Variants in CDK14 observed in about 807,000 individuals in gnomAD.
The protein encoded by CDK14 is cyclin dependent kinase 14.
In CDK14, 34 loss-of-function variants were observed where a neutral mutation model predicts 60.7. That is an observed-to-expected ratio of 0.56 (90% CI 0.43 to 0.75). The LOEUF (loss-of-function observed/expected upper bound fraction) is 0.75. Among genes scored for constraint, CDK14 ranks in the 30% least tolerant of loss-of-function variants. The probability of loss-of-function intolerance (pLI) is 0.00; values close to 1 mark genes in which losing one functional copy is unlikely to be tolerated. For synonymous variants in CDK14, 197 were observed against 203.7 expected (o/e 0.97, Z 0.28); for missense variants, 482 against 564.1 (o/e 0.85, Z 1.47).
chr7:91,116,593 G>T (rs887285858), intron 13 of CDK14, among the ~76,000 whole-genome samples: 2 of 152,084 alleles, frequency 1.3e-5, no homozygotes, highest in African/African-American at 4.8e-5. Flanking sequence ...AATAAAACAG[G>T]TGCACCCATT....
At chr7:90,764,338 T>C (rs1263536305) in intron 4 of CDK14, among the ~76,000 whole-genome samples, 1 of 152,244 alleles carries the variant, frequency 6.6e-6, no homozygotes, top group Non-Finnish European at 1.5e-5. Context: ...TAATTCAAGA[T>C]AGCTGAAATG....
chr7:90,781,024 G>A (rs1805294857), intron 4 of CDK14, among the ~76,000 whole-genome samples: 1 of 151,952 alleles, frequency 6.6e-6, no homozygotes, highest in Admixed American at 6.6e-5. Context: ...CACCAGCAGT[G>A]TAAAAGTGTT....
intron 6 of CDK14, among the ~76,000 whole-genome samples, chr7:90,874,129 T>C (rs1456911685): frequency 6.6e-6 from 1 of 152,180 alleles, no homozygotes; most frequent in Non-Finnish European, 1.5e-5. Flanking sequence ...GCCCTTCCCC[T>C]CTTCCCTGAG....
intron 12 of CDK14, among the ~76,000 whole-genome samples, chr7:91,106,849 G>A (rs1015504515): frequency 6.6e-6 from 1 of 152,182 alleles, no homozygotes; most frequent in Non-Finnish European, 1.5e-5. Context: ...GGGCAGTTCT[G>A]TAGTGTTCTT....
intron 2 of CDK14, among the ~76,000 whole-genome samples, chr7:90,636,313 A>G (rs893363713): frequency 3.9e-5 from 6 of 152,204 alleles, no homozygotes; most frequent in Non-Finnish European, 8.8e-5. Flanking sequence ...CGTCCCATCA[A>G]TACCTGATTT....
chr7:90,599,773 T>C (rs1442988803), intron 1 of CDK14, among the ~76,000 whole-genome samples: 1 of 152,240 alleles, frequency 6.6e-6, no homozygotes, highest in African/African-American at 2.4e-5. Context: ...GCTGCTTTAG[T>C]ATTATCCAAA....
At chr7:90,954,960 A>G (rs1285685415) in intron 8 of CDK14, among the ~76,000 whole-genome samples, 1 of 151,714 alleles carries the variant, frequency 6.6e-6, no homozygotes, top group Admixed American at 6.6e-5. Flanking sequence ...AAACAGACCT[A>G]CAAATATTTT....
intron 12 of CDK14, among the ~76,000 whole-genome samples, chr7:91,093,666 T>C (rs1312518534): frequency 6.6e-6 from 1 of 152,176 alleles, no homozygotes; most frequent in Non-Finnish European, 1.5e-5. Context: ...AGCAATTCCA[T>C]TACTGTTTAT....
At chr7:90,635,698 G>T (rs1207451952) in intron 2 of CDK14, among the ~76,000 whole-genome samples, 1 of 151,964 alleles carries the variant, frequency 6.6e-6, no homozygotes. Flanking sequence ...GATGGGGATG[G>T]CATTGAATCT....
chr7:90,981,676 G>T (rs921877904), intron 9 of CDK14, among the ~76,000 whole-genome samples: 2 of 152,128 alleles, frequency 1.3e-5, no homozygotes, highest in Non-Finnish European at 2.9e-5. Flanking sequence ...GAGTATGGGG[G>T]TGCAGGAGTG....
At chr7:91,046,823 C>A (rs1010772615) in intron 11 of CDK14, among the ~76,000 whole-genome samples, 6 of 152,082 alleles carry the variant, frequency 3.9e-5, no homozygotes, top group Admixed American at 3.3e-4. Flanking sequence ...TGAATAATAT[C>A]TGTTAGAGGA....
intron 14 of CDK14, among the ~76,000 whole-genome samples, chr7:91,192,731 A>G (rs986049358): frequency 6.6e-6 from 1 of 152,176 alleles, no homozygotes; most frequent in African/African-American, 2.4e-5. Context: ...ATTAATTTCC[A>G]TTTATCTTTA....
At chr7:90,819,523 G>T (rs1329966711) in intron 5 of CDK14, among the ~76,000 whole-genome samples, 2 of 151,338 alleles carry the variant, frequency 1.3e-5, no homozygotes, top group African/African-American at 2.4e-5. Context: ...GAAACATGTA[G>T]AAAATTGTGT....
chr7:91,115,610 T>A (rs1204678071), intron 13 of CDK14, among the ~76,000 whole-genome samples: 1 of 152,144 alleles, frequency 6.6e-6, no homozygotes, highest in African/African-American at 2.4e-5. Context: ...AAAACACTTA[T>A]GCAAGCAGGA....
intron 4 of CDK14, among the ~76,000 whole-genome samples, chr7:90,764,475 C>T (rs1804460602): frequency 6.6e-6 from 1 of 152,122 alleles, no homozygotes; most frequent in South Asian, 2.1e-4. Flanking sequence ...AGCACTGGCT[C>T]ATACAAAGGA....
At chr7:90,930,529 C>CTT (rs61187542) in intron 8 of CDK14, among the ~76,000 whole-genome samples, 5,976 of 80,678 alleles carry the variant, frequency 0.074, 395 homozygotes, top group African/African-American at 0.091. Context: ...ACAGGCTAAG[C>CTT]TTTTTTTTTT....
At chr7:90,719,459 C>T (rs971746223) in intron 2 of CDK14, among the ~76,000 whole-genome samples, 1 of 152,174 alleles carries the variant, frequency 6.6e-6, no homozygotes, top group Non-Finnish European at 1.5e-5. Flanking sequence ...TCTTTCAAAT[C>T]CACTGCTGTG....
At chr7:90,728,025 A>G (rs984797653) in intron 3 of CDK14, among the ~76,000 whole-genome samples, 1 of 152,126 alleles carries the variant, frequency 6.6e-6, no homozygotes, top group Non-Finnish European at 1.5e-5. Flanking sequence ...TACTTGATTA[A>G]TAATCTGGCC....
intron 2 of CDK14, among the ~76,000 whole-genome samples, chr7:90,651,039 A>G (rs1035015511): frequency 2.0e-5 from 3 of 152,102 alleles, no homozygotes; most frequent in Non-Finnish European, 2.9e-5. Flanking sequence ...TCTATAAATT[A>G]CCTTGGGCAG....
Sources: allele counts gnomAD v4.1 joint callset (sites outside exome capture counted in the v4.1 genomes callset), GRCh38; gene constraint gnomAD v4.1.1; transcripts MANE v1.5; gene names NCBI Gene and HGNC (gene_info 2026-07-23, HGNC 2026-07-21).